Variants in LPP observed in about 807,000 individuals in gnomAD.
The protein encoded by LPP is lipoma-preferred partner.
Under a neutral mutation model 60.4 loss-of-function variants are expected in LPP, and 38 were observed. That is an observed-to-expected ratio of 0.63 (90% CI 0.49 to 0.83). LPP has a LOEUF of 0.83. Among genes scored for constraint, LPP ranks in the 40% least tolerant of loss-of-function variants. LPP has a pLI of 0.00. For missense variants in LPP, 902 were observed against 783.6 expected (o/e 1.15, Z -1.80); for synonymous variants, 328 against 290.8 (o/e 1.13, Z -1.30).
At chr3:188,385,429 G>A (rs146506772) in intron 3 of LPP, among the ~76,000 whole-genome samples, 1,534 of 152,208 alleles carry the variant, frequency 0.01, 30 homozygotes, top group African/African-American at 0.035. Flanking sequence ...TGGTGGATGG[G>A]CCCTGAGGGT....
chr3:188,738,416 C>T (rs893041561), intron 8 of LPP, among the ~76,000 whole-genome samples: 7 of 152,086 alleles, frequency 4.6e-5, no homozygotes, highest in Non-Finnish European at 7.4e-5. Context: ...TTATACAAAC[C>T]TGTAAGTAAC....
chr3:188,652,484 A>G (rs1852290406), intron 7 of LPP, among the ~76,000 whole-genome samples: 1 of 152,160 alleles, frequency 6.6e-6, no homozygotes, highest in East Asian at 1.9e-4. Flanking sequence ...CTGTTCAATT[A>G]AACAGATTCT....
At position 188,347,141 on chromosome 3, in the gene LPP, C is replaced by T. The variant is rs372073027; in HGVS notation, c.-10+5422C>T. On this transcript the variant is annotated intron_variant, in intron 3 of 11. Transcript: ENST00000617246. ...TAAATATAAAATCTGGATTTAAATC[C>T]GGATTTACTCCAAAATATGTGAATA... Among the ~76,000 whole-genome samples, 5 of 152,124 alleles carry T rather than the reference C, an allele frequency of 3.3e-5. No individual in the cohort carries two copies. The South Asian group carries it at 8.3e-4, about 25-fold the overall frequency.
At chr3:188,736,152 TCTGTA>T (rs1722426786) in intron 8 of LPP, among the ~76,000 whole-genome samples, 2 of 152,154 alleles carry the variant, frequency 1.3e-5, no homozygotes, top group African/African-American at 4.8e-5. Context: ...ATTGATCTGA[TCTGTA>T]CTGAGAACAG....
At chr3:188,275,691 T>TA (rs1164991988) in intron 2 of LPP, among the ~76,000 whole-genome samples, 1 of 151,842 alleles carries the variant, frequency 6.6e-6, no homozygotes, top group African/African-American at 2.4e-5. Flanking sequence ...GAACTTTTTT[T>TA]TTCTTTGAAA....
rs1458392298 is a variant in LPP, at chr3:188,252,245, C to G, written c.-67+26718C>G. Among the ~76,000 whole-genome samples, 7 of 137,106 alleles carry G rather than the reference C, an allele frequency of 5.1e-5. No individual in the cohort carries two copies. The South Asian group carries it at 1.4e-3, about 27-fold the overall frequency. The allele number at this position is 137,106 out of a possible 152,430, so 89.9% of individuals were successfully genotyped here. Reference sequence around the variant, plus strand: ...CTCTTCTTTCTTACACAAAAGATAGCATGTTGTATATCTTCTTTTGCACTC... The same window carrying G: ...CTCTTCTTTCTTACACAAAAGATAGGATGTTGTATATCTTCTTTTGCACTC... On this transcript the variant is annotated intron_variant, in intron 2 of 11. Coordinates refer to ENST00000617246, the MANE Select transcript of LPP (RefSeq NM_001375462.1).
intron 7 of LPP, among the ~76,000 whole-genome samples, chr3:188,650,715 A>T (rs1189331478): frequency 6.6e-6 from 1 of 152,202 alleles, no homozygotes; most frequent in East Asian, 1.9e-4. Context: ...ATTTTACATT[A>T]TCTGAGTGAC....
chr3:188,691,835 A>G (rs1862187905), intron 7 of LPP, among the ~76,000 whole-genome samples: 1 of 152,218 alleles, frequency 6.6e-6, no homozygotes. Context: ...ACAGTAGAGC[A>G]CATTAAGTTC....
intron 5 of LPP, among the ~76,000 whole-genome samples, chr3:188,511,256 C>G (rs2150026748): frequency 8.6e-6 from 1 of 116,454 alleles, no homozygotes; most frequent in East Asian, 2.7e-4. Flanking sequence ...CCCTTCCCTC[C>G]CTTCCCTCCT....
At chr3:188,686,777 A>G (rs1860832030) in intron 7 of LPP, among the ~76,000 whole-genome samples, 1 of 152,258 alleles carries the variant, frequency 6.6e-6, no homozygotes, top group Admixed American at 6.5e-5. Context: ...AAGAATCAAC[A>G]TAAAACAAGC....
At chr3:188,745,522 G>A (rs577098127) in intron 8 of LPP, among the ~76,000 whole-genome samples, 1 of 152,240 alleles carries the variant, frequency 6.6e-6, no homozygotes, top group East Asian at 1.9e-4. Context: ...TGTCTGCTAT[G>A]TTGGCCCATA....
chr3:188,500,235 A>G (rs1811434015), intron 5 of LPP, among the ~76,000 whole-genome samples: 1 of 151,952 alleles, frequency 6.6e-6, no homozygotes, highest in South Asian at 2.1e-4. Context: ...GTGGGTTTCC[A>G]TCTGTGGCTT....
chr3:188,436,084 A>G (rs1451465038), intron 4 of LPP, among the ~76,000 whole-genome samples: 1 of 152,196 alleles, frequency 6.6e-6, no homozygotes, highest in Non-Finnish European at 1.5e-5. Flanking sequence ...CATAGCACAC[A>G]CATTACTTTA....
At chr3:188,593,689 C>G (rs767232048) in intron 6 of LPP, among the ~76,000 whole-genome samples, 3 of 152,152 alleles carry the variant, frequency 2.0e-5, no homozygotes, top group African/African-American at 7.2e-5. Flanking sequence ...TGAGAACATA[C>G]GATGTTCGGT....
At chr3:188,241,669 A>G (rs1487884618) in intron 2 of LPP, among the ~76,000 whole-genome samples, 1 of 152,086 alleles carries the variant, frequency 6.6e-6, no homozygotes, top group Non-Finnish European at 1.5e-5. Context: ...TTCTCTCTTC[A>G]GACCTACAGC....
At chr3:188,553,855 G>A (rs933929259) in intron 6 of LPP, 3 of 152,214 alleles carry the variant, frequency 2.0e-5, no homozygotes, top group African/African-American at 7.2e-5. Flanking sequence ...CAATGCCTGA[G>A]CTTCTACCGA....
Position 188,808,837 on chromosome 3 carries a change from C to T in LPP, c.1410+48555C>T, listed in dbSNP as rs1257392581. Among the ~76,000 whole-genome samples, 3 of 152,134 alleles carry T rather than the reference C, an allele frequency of 2.0e-5. No individual in the cohort carries two copies. The East Asian group carries it at 5.8e-4, about 29-fold the overall frequency. Reference sequence around the variant, plus strand: ...CCTGATGGTCTCCCTCCCTTTGCCCCCATCCCCCAACAGGCTCAGATGTAT... The same window carrying T: ...CCTGATGGTCTCCCTCCCTTTGCCCTCATCCCCCAACAGGCTCAGATGTAT... On this transcript the variant is annotated intron_variant, in intron 9 of 11. Coordinates refer to ENST00000617246, the MANE Select transcript of LPP (RefSeq NM_001375462.1).
At chr3:188,449,550 T>C (rs1448794592) in intron 4 of LPP, among the ~76,000 whole-genome samples, 2 of 152,152 alleles carry the variant, frequency 1.3e-5, no homozygotes, top group African/African-American at 2.4e-5. Flanking sequence ...TGTTATCTAG[T>C]GTGTTTTATA....
rs538635981 is a variant in LPP at position 188,886,846 on chromosome 3, C to T, written c.*12367C>T. 3 of 228,538 alleles carry T rather than the reference C, an allele frequency of 1.3e-5. No individual in the cohort carries two copies. In the South Asian group the frequency reaches 5.5e-4, roughly 42 times the overall value. The allele number at this position is 228,538 out of a possible 1,614,324, so 14.2% of individuals were successfully genotyped here. A position where few individuals can be genotyped will look rare whatever the true frequency, so the allele number is the denominator to read the frequency against. ...TTTTCAGGCCAGAAAATTAATAAAT[C>T]CTAAACCTGACCCATTTTTGTAACA... On this transcript the variant is annotated 3_prime_UTR_variant, in exon 12 of 12. Transcript: ENST00000617246.
Sources: gnomAD v4.1 joint callset for allele counts (sites outside exome capture counted in the v4.1 genomes callset) on GRCh38, gnomAD v4.1.1 for gene constraint, MANE v1.5 for transcripts, NCBI Gene and HGNC (gene_info 2026-07-23, HGNC 2026-07-21) for gene names.